The following SLC47A1 variants were observed in gnomAD, a reference collection of about 807,000 sequenced individuals.
SLC47A1 encodes solute carrier family 47 member 1.
SLC47A1 carries 58 observed loss-of-function variants against 65.8 expected under a neutral mutation model. That is an observed-to-expected ratio of 0.88 (90% CI 0.71 to 1.10). The LOEUF is 1.10. Ranked by LOEUF, SLC47A1 falls within the 50% of genes least tolerant of loss-of-function variation. The pLI is 0.00. For missense variants in SLC47A1, 706 were observed against 719.2 expected, an observed-to-expected ratio of 0.98 and a Z score of 0.21; for synonymous variants, 285 against 295.0, an observed-to-expected ratio of 0.97 and a Z score of 0.35.
In SLC47A1 at chr17:19,567,186, A is replaced by G. The variant is rs2084365348; in HGVS notation, c.1267A>G (p.Ile423Val). The change falls in exon 14 of 17, where the codon ATC (isoleucine) becomes GTC (valine). Residue 423 changes from isoleucine (I) to valine (V), a missense_variant. Transcript: ENST00000270570. ...TGGGTACTATGTGGTTGGCCTCCCCATCGGGATCGCGCTGATGTTTGCAAC... is the reference window on the plus strand; with the variant it reads ...TGGGTACTATGTGGTTGGCCTCCCCGTCGGGATCGCGCTGATGTTTGCAAC... Reference protein sequence around the residue: ...TIGYYVVGLPIGIALMFATTL... With the variant: ...TIGYYVVGLPVGIALMFATTL... 6.2e-7 allele frequency: 1 copy of G among 1,614,186 alleles called. No homozygotes were observed. Among genetic ancestry groups the G allele is most frequent in the Non-Finnish European group, 8.5e-7 (1 of 1,180,030 alleles).
At chr17:19,557,174 C>G (rs1367253904) in intron 10 of SLC47A1, 1 of 153,994 alleles carries the variant, frequency 6.5e-6, no homozygotes, top group Admixed American at 6.4e-5. Context: ...AGTATTAACA[C>G]TTAGATTTTT....
chr17:19,561,642 CAAAAAAAA>C, intron 12 of SLC47A1, among the ~76,000 whole-genome samples: 1 of 58,690 alleles, frequency 1.7e-5, no homozygotes, highest in East Asian at 5.8e-4. Context: ...GACTCTGTCT[CAAAAAAAA>C]AAAAAAAAAA....
chr17:19,564,080 C>T (rs931182327), intron 12 of SLC47A1, among the ~76,000 whole-genome samples: 13 of 152,028 alleles, frequency 8.6e-5, no homozygotes, highest in South Asian at 2.1e-4. Context: ...AGGCCAGGCG[C>T]GGTGGCTCAT....
Position 19,546,484 on chromosome 17 carries a change from G to C in SLC47A1, c.287G>C (p.Cys96Ser). ...GTGGGATTCGGCTTATCTTCTGCCT[G>C]TGACACCCTCATCTCCCAGGTAAAT... is the stretch of plus-strand genomic sequence containing the variant. ...VSVGFGLSSA[C>S]DTLISQTYGS... The change falls in exon 3 of 17, where the codon TGT (cysteine) becomes TCT (serine). Residue 96 changes from cysteine (C) to serine (S), a missense_variant. Coordinates refer to ENST00000270570, the MANE Select transcript of SLC47A1 (RefSeq NM_018242.3). 6.2e-7 allele frequency: 1 copy of C among 1,613,688 alleles called. No homozygotes were observed. Among genetic ancestry groups the C allele is most frequent in the Non-Finnish European group, 8.5e-7 (1 of 1,179,936 alleles).
chr17:19,550,153 A>G (rs1310987122), intron 5 of SLC47A1, among the ~76,000 whole-genome samples: 2 of 152,196 alleles, frequency 1.3e-5, no homozygotes, highest in Non-Finnish European at 2.9e-5. Context: ...ACAGGGTCTC[A>G]TTCCATCACC....
chr17:19,554,872 A>T (rs16960202), intron 6 of SLC47A1, among the ~76,000 whole-genome samples: 2,772 of 152,298 alleles, frequency 0.018, 91 homozygotes, highest in South Asian at 0.085. Context: ...CCTATCGTCC[A>T]GTGTCAAAGG....
At chr17:19,534,661 A>G (rs1915941852) in intron 1 of SLC47A1, 1 of 152,222 alleles carries the variant, frequency 6.6e-6, no homozygotes, top group Non-Finnish European at 1.5e-5. Context: ...CGAGGAAACC[A>G]GAGGCATCCT....
At position 19,578,137 on chromosome 17, in the gene SLC47A1, C is replaced by A; in HGVS notation, c.*584C>A. 1 of 450,518 alleles carries A rather than the reference C, an allele frequency of 2.2e-6. No homozygotes were observed. Among genetic ancestry groups the A allele is most frequent in the South Asian group, 1.7e-5 (1 of 59,754 alleles). 27.9% of individuals were successfully genotyped at this position (450,518 alleles called of 1,614,324 possible). On this transcript the variant is annotated 3_prime_UTR_variant, in exon 17 of 17. Coordinates refer to ENST00000270570, the MANE Select transcript of SLC47A1 (RefSeq NM_018242.3). Reference sequence around the variant, plus strand: ...TAGCTGAGACTACAGGGGTATGCCACCATGCCCAGCTGGCATTTGTTAATC... The same window carrying A: ...TAGCTGAGACTACAGGGGTATGCCAACATGCCCAGCTGGCATTTGTTAATC...
chr17:19,577,327 G>C lies in SLC47A1; in HGVS notation c.1487G>C (p.Gly496Ala). 1 of 1,613,000 alleles carries C rather than the reference G, an allele frequency of 6.2e-7. No individual in the cohort carries two copies. The highest frequency in any genetic ancestry group is 8.5e-7 in the Non-Finnish European group (1 of 1,179,646). The part of the protein sequence containing the change: ...SALPQDPLHP[G>A]CPENLEGILT... Reference sequence around the variant, plus strand: ...CTGCTAAGTTCCTTTTTCCTCCCAGGGTGCCCTGAAAACCTTGAAGGAATT... The same window carrying C: ...CTGCTAAGTTCCTTTTTCCTCCCAGCGTGCCCTGAAAACCTTGAAGGAATT... The change falls in exon 17 of 17, where the codon GGG becomes GCG. Residue 496 changes from glycine to alanine, a missense_variant and splice_region_variant. By Grantham distance (60) the Gly-to-Ala change is moderately conservative. Transcript: ENST00000270570.
chr17:19,561,046 C>T (rs1259563184), intron 12 of SLC47A1, among the ~76,000 whole-genome samples: 1 of 151,872 alleles, frequency 6.6e-6, no homozygotes, highest in African/African-American at 2.4e-5. Context: ...CACCTGAGGT[C>T]AGGAGTTCGA....
At chr17:19,541,343 G>T (rs560839901) in intron 1 of SLC47A1, among the ~76,000 whole-genome samples, 1 of 152,166 alleles carries the variant, frequency 6.6e-6, no homozygotes, top group African/African-American at 2.4e-5. Flanking sequence ...ATTTTGGGCC[G>T]TGTAGCCTGC....
At chr17:19,550,209 C>T (rs929547674) in intron 5 of SLC47A1, among the ~76,000 whole-genome samples, 5 of 152,318 alleles carry the variant, frequency 3.3e-5, no homozygotes, top group Middle Eastern at 3.4e-3. Context: ...GCAGCCTTGA[C>T]CTCCTGGGCT....
At chr17:19,556,177 C>T in intron 10 of SLC47A1, 115 bp downstream of exon 10, 4 of 1,219,692 alleles carry the variant, frequency 3.3e-6, no homozygotes, top group Non-Finnish European at 4.7e-6. Context: ...AAATGATGGA[C>T]AAAAGTCAAA....
chr17:19,544,909 C>T lies in SLC47A1; in HGVS notation c.238-1526C>T, dbSNP rs572077653. On this transcript the variant is annotated intron_variant, in intron 2 of 16. Transcript: ENST00000270570. ...AATAGGCTTGTCAACTTGCTTGTCACAAGTCAATAATCTGAGATGGCAGGT... is the reference window on the plus strand; with the variant it reads ...AATAGGCTTGTCAACTTGCTTGTCATAAGTCAATAATCTGAGATGGCAGGT... Among the ~76,000 whole-genome samples the T allele has an allele frequency of 2.6e-5, 4 of 152,294 alleles. No individual in the cohort carries two copies. In the South Asian group the frequency reaches 8.3e-4, roughly 32 times the overall value.
At position 19,567,170 on chromosome 17, in the gene SLC47A1, T is replaced by C. The variant is rs2084365224; in HGVS notation, c.1251T>C (p.Tyr417=). 2 of 1,614,230 alleles carry C rather than the reference T, an allele frequency of 1.2e-6. No homozygotes were observed. The highest frequency in any genetic ancestry group is 2.2e-5 in the East Asian group (1 of 44,878). The change falls in exon 14 of 17, where the codon TAT becomes TAC. Residue 417 remains tyrosine, a synonymous_variant. Coordinates refer to ENST00000270570, the MANE Select transcript of SLC47A1 (RefSeq NM_018242.3). ...CCATTGTGAATACCATTGGGTACTA[T>C]GTGGTTGGCCTCCCCATCGGGATCG... ...VGAIVNTIGY[Y]VVGLPIGIAL... is the part of the protein sequence containing the mutation.
chr17:19,560,238 G>C lies in SLC47A1; in HGVS notation c.972G>C (p.Leu324=). The part of the protein sequence containing the change: ...VAASVRVGNA[L]GAGDMEQARK... ...CCAGTGTCCGGGTAGGAAACGCTCT[G>C]GGTGCTGGAGACATGGAGCAGGCAC... Residue 324 remains leucine (L), a synonymous_variant, in exon 11 of 17, where the codon CTG becomes CTC. Transcript: ENST00000270570. The C allele has an allele frequency of 6.2e-7, 1 of 1,613,680 alleles. No individual in the cohort carries two copies. The highest frequency in any genetic ancestry group is 8.5e-7 in the Non-Finnish European group (1 of 1,180,016).
At chr17:19,567,070 A>G in intron 13 of SLC47A1, 26 bp from the exon 14 acceptor site, 2 of 1,614,138 alleles carry the variant, frequency 1.2e-6, no homozygotes, top group South Asian at 1.1e-5. Flanking sequence ...ATGTGTTCAC[A>G]GTGATGGAAT....
intron 14 of SLC47A1, 121 bp downstream of exon 14, chr17:19,567,349 T>G (rs1328513809): frequency 6.3e-6 from 9 of 1,426,670 alleles, no homozygotes; most frequent in Non-Finnish European, 8.7e-6. Flanking sequence ...CCACGTCCAT[T>G]CTGTGTCTTG....
chr17:19,539,554 C>T lies in SLC47A1; in HGVS notation c.136-2839C>T, dbSNP rs929750729. Among the ~76,000 whole-genome samples, 13 of 151,910 alleles carry T rather than the reference C, an allele frequency of 8.6e-5. No homozygotes were observed. The South Asian group carries it at 1.0e-3, about 12-fold the overall frequency. On this transcript the variant is annotated intron_variant, in intron 1 of 16. Coordinates refer to ENST00000270570, the MANE Select transcript of SLC47A1 (RefSeq NM_018242.3). ...GGCTGGAGTGTAGTGGCTTGATCTC[C>T]GCTCACTGCAACCTCTGCCCCCTGG... is the stretch of plus-strand genomic sequence containing the variant.
Sources: allele counts gnomAD v4.1 joint callset (sites outside exome capture counted in the v4.1 genomes callset), GRCh38; gene constraint gnomAD v4.1.1; transcripts MANE v1.5; gene names NCBI Gene and HGNC (gene_info 2026-07-23, HGNC 2026-07-21).